Variants in NUDT9 observed in about 807,000 individuals in gnomAD.
NUDT9 encodes the protein ADP-ribose pyrophosphatase.
Under a neutral mutation model 41.0 loss-of-function variants are expected in NUDT9, and 31 were observed. That is an observed-to-expected ratio of 0.76 (90% CI 0.57 to 1.02). NUDT9 has a LOEUF of 1.02. Ranked by LOEUF, NUDT9 falls within the 50% of genes least tolerant of loss-of-function variation. The pLI, the probability that NUDT9 is intolerant of heterozygous loss-of-function variation, is 0.00. For missense variants in NUDT9, 380 were observed against 431.4 expected, an observed-to-expected ratio of 0.88 and a Z score of 1.06; for synonymous variants, 146 against 147.6, an observed-to-expected ratio of 0.99 and a Z score of 0.08.
In NUDT9 at chr4:87,457,993, ACT is replaced by A; in HGVS notation, c.1028_1029del (p.Ser343Ter). ...AAACGAGATGCACACTGGAGCGAGG[ACT>A]CTGAAGCTGACTGCCATGCGTTGTA... On this transcript the variant is annotated frameshift_variant, in exon 8 of 8. Transcript: ENST00000302174. LOFTEE classifies it high-confidence loss of function. The A allele has an allele frequency of 6.4e-7, 1 of 1,564,980 alleles. No individual in the cohort carries two copies. The highest frequency in any genetic ancestry group is 8.6e-7 in the Non-Finnish European group (1 of 1,161,234).
intron 7 of NUDT9, among the ~76,000 whole-genome samples, chr4:87,457,630 G>T (rs779507318): frequency 6.6e-6 from 1 of 151,910 alleles, no homozygotes; most frequent in Non-Finnish European, 1.5e-5. Flanking sequence ...TAAAATTTAG[G>T]GACTTGGTTA....
In NUDT9 at chr4:87,451,797, T is replaced by C. The variant is rs149886315; in HGVS notation, c.789+62T>C. 1,177 of 1,440,942 alleles carry C rather than the reference T, an allele frequency of 8.2e-4. 15 individuals carry two copies. In the East Asian group the frequency reaches 0.023, roughly 28 times the overall value. The allele number at this position is 1,440,942 out of a possible 1,614,324, so 89.3% of individuals were successfully genotyped here. A position where few individuals can be genotyped will look rare whatever the true frequency, so the allele number is the denominator to read the frequency against. On this transcript the variant is annotated intron_variant, in intron 6 of 7. Coordinates refer to ENST00000302174, the MANE Select transcript of NUDT9 (RefSeq NM_024047.5). ...TGGATTGATGAAAATGACTTAAAAG[T>C]TGACCTGGAAATCTGTATGTCCTTC...
intron 7 of NUDT9, among the ~76,000 whole-genome samples, chr4:87,455,257 G>C (rs1212581443): frequency 6.6e-6 from 1 of 152,066 alleles, no homozygotes; most frequent in African/African-American, 2.4e-5. Flanking sequence ...CATATCCTGT[G>C]CTTTTGCTTG....
In NUDT9 at chr4:87,447,080, T is replaced by C. The variant is rs7660608; in HGVS notation, c.531-2062T>C. 8.2e-3 allele frequency among the ~76,000 whole-genome samples: 1,253 copies of C among 152,356 alleles called. 11 individuals carry two copies. Among genetic ancestry groups the C allele is most frequent in the African/African-American group, 0.028 (1,150 of 41,590 alleles). ...TTAGATGAATCTTGTCGTATAAGCCTGTTGCCCACTTTTCTGGTCTATCTT... is the reference window on the plus strand; with the variant it reads ...TTAGATGAATCTTGTCGTATAAGCCCGTTGCCCACTTTTCTGGTCTATCTT... On this transcript the variant is annotated intron_variant, in intron 4 of 7. Coordinates refer to ENST00000302174, the MANE Select transcript of NUDT9 (RefSeq NM_024047.5).
At chr4:87,446,591 A>G (rs957299084) in intron 4 of NUDT9, among the ~76,000 whole-genome samples, 1 of 152,132 alleles carries the variant, frequency 6.6e-6, no homozygotes, top group African/African-American at 2.4e-5. Flanking sequence ...AGTAGATAGT[A>G]TAGTAATTAA....
chr4:87,452,681 C>T (rs1722803727), intron 6 of NUDT9, among the ~76,000 whole-genome samples: 1 of 149,934 alleles, frequency 6.7e-6, no homozygotes, highest in Non-Finnish European at 1.5e-5. Flanking sequence ...TCTTGAACTC[C>T]TGGGCTGAAG....
At chr4:87,456,501 G>A (rs1722996429) in intron 7 of NUDT9, among the ~76,000 whole-genome samples, 2 of 152,268 alleles carry the variant, frequency 1.3e-5, no homozygotes, top group East Asian at 1.9e-4. Flanking sequence ...AGAAAGGAGA[G>A]AGGATTTTTC....
In NUDT9 at chr4:87,423,020, A is replaced by C. The variant is rs1405249046; in HGVS notation, c.107+8A>C. ...CGGCATCCAGGCGTTCAGGTATTCC[A>C]CCCTCCTACTACCGGCTCCTTTGCC... is the stretch of plus-strand genomic sequence containing the variant. On this transcript the variant is annotated splice_region_variant and intron_variant, in intron 1 of 7. Transcript: ENST00000302174. The C allele has an allele frequency of 6.2e-7, 1 of 1,605,780 alleles. No homozygotes were observed. The highest frequency in any genetic ancestry group is 8.5e-7 in the Non-Finnish European group (1 of 1,174,716).
chr4:87,444,963 T>C (rs1722381196), intron 4 of NUDT9, among the ~76,000 whole-genome samples: 1 of 152,144 alleles, frequency 6.6e-6, no homozygotes, highest in African/African-American at 2.4e-5. Flanking sequence ...AATTGATGAG[T>C]TCCTCTAAAT....
chr4:87,434,623 G>C (rs923924348), intron 1 of NUDT9, among the ~76,000 whole-genome samples: 3 of 147,748 alleles, frequency 2.0e-5, no homozygotes, highest in Admixed American at 6.7e-5. Context: ...TTTGAATTAG[G>C]TTCTTTTTTT....
chr4:87,449,653 C>A (rs1722622571), intron 5 of NUDT9, among the ~76,000 whole-genome samples: 2 of 152,136 alleles, frequency 1.3e-5, no homozygotes. Flanking sequence ...ATTTAACCTC[C>A]ACTCCAAGCC....
chr4:87,446,698 C>T (rs1049965448), intron 4 of NUDT9, among the ~76,000 whole-genome samples: 2 of 152,008 alleles, frequency 1.3e-5, no homozygotes, highest in Admixed American at 1.3e-4. Context: ...CTTTTCTGTG[C>T]CTCATTTTCC....
Position 87,458,053 on chromosome 4 carries a change from A to G in NUDT9, c.*32A>G. 6.7e-7 allele frequency: 1 copy of G among 1,489,018 alleles called. No homozygotes were observed. Among genetic ancestry groups the G allele is most frequent in the Non-Finnish European group, 8.9e-7 (1 of 1,125,890 alleles). The allele number at this position is 1,489,018 out of a possible 1,614,324, so 92.2% of individuals were successfully genotyped here. A position where few individuals can be genotyped will look rare whatever the true frequency, so the allele number is the denominator to read the frequency against. On this transcript the variant is annotated 3_prime_UTR_variant, in exon 8 of 8. Transcript: ENST00000302174. ...GTCTCCGTGTAAGCCAAAGGCCCAC[A>G]GAGGAGCATATACTGAAAAGAAGGC...
At position 87,438,374 on chromosome 4, in the gene NUDT9, T is replaced by C; in HGVS notation, c.443+2T>C. ...TGAGATTGAAAATGGAAGACCGAGG[T>C]AGGTACTGGGAGCAGAGCATCTTAC... On this transcript the variant is annotated splice_donor_variant, in intron 3 of 7. Transcript: ENST00000302174. LOFTEE classifies it high-confidence loss of function. 6.6e-7 allele frequency: 1 copy of C among 1,517,642 alleles called. No individual in the cohort carries two copies. The highest frequency in any genetic ancestry group is 9.1e-7 in the Non-Finnish European group (1 of 1,093,234). The allele number at this position is 1,517,642 out of a possible 1,614,324, so 94.0% of individuals were successfully genotyped here. A position where few individuals can be genotyped will look rare whatever the true frequency, so the allele number is the denominator to read the frequency against.
At chr4:87,440,100 G>T (rs1442921772) in intron 3 of NUDT9, among the ~76,000 whole-genome samples, 1 of 151,924 alleles carries the variant, frequency 6.6e-6, no homozygotes, top group African/African-American at 2.4e-5. Flanking sequence ...GATTCCTTAG[G>T]TTCTTTTATA....
At chr4:87,454,754 G>T (rs2110192950) in intron 7 of NUDT9, among the ~76,000 whole-genome samples, 1 of 152,262 alleles carries the variant, frequency 6.6e-6, no homozygotes, top group African/African-American at 2.4e-5. Flanking sequence ...ATTGAGTATA[G>T]TTCCCTTTTT....
At position 87,422,800 on chromosome 4, in the gene NUDT9, G is replaced by A; in HGVS notation, c.-106G>A. On this transcript the variant is annotated 5_prime_UTR_variant, in exon 1 of 8. It adds an upstream start codon to the 5' untranslated region. Transcript: ENST00000302174. ...GGAACCCAACGGCAGACAGGTCCTAGTGCCCATCAGATACCCGCGGCCGGG... is the reference window on the plus strand; with the variant it reads ...GGAACCCAACGGCAGACAGGTCCTAATGCCCATCAGATACCCGCGGCCGGG... 1 of 770,042 alleles carries A rather than the reference G, an allele frequency of 1.3e-6. No individual in the cohort carries two copies. Among genetic ancestry groups the A allele is most frequent in the East Asian group, 2.5e-5 (1 of 39,396 alleles). 47.7% of individuals were successfully genotyped at this position (770,042 alleles called of 1,614,324 possible).
intron 1 of NUDT9, 45 bp from the exon 2 acceptor site, chr4:87,434,936 A>G (rs922515944): frequency 1.9e-6 from 3 of 1,544,128 alleles, no homozygotes; most frequent in Non-Finnish European, 1.8e-6. Context: ...TTTAATTAAT[A>G]TATTTTTGGT....
At chr4:87,425,617 A>G (rs781026730) in intron 1 of NUDT9, among the ~76,000 whole-genome samples, 1 of 146,126 alleles carries the variant, frequency 6.8e-6, no homozygotes, top group Non-Finnish European at 1.5e-5. Flanking sequence ...CTGGTTTCGA[A>G]CTCCTGACCT....
Sources: allele counts gnomAD v4.1 joint callset (sites outside exome capture counted in the v4.1 genomes callset), GRCh38; gene constraint gnomAD v4.1.1; transcripts MANE v1.5; gene names NCBI Gene and HGNC (gene_info 2026-07-23, HGNC 2026-07-21).